KCNMB2: variants seen among roughly 807,000 people sequenced by gnomAD.
KCNMB2 encodes potassium calcium-activated channel subfamily M regulatory beta subunit 2.
A neutral mutation model predicts 24.5 loss-of-function variants in KCNMB2; 9 were observed. That is an observed-to-expected ratio of 0.37 (90% confidence interval 0.22 to 0.64). The LOEUF (loss-of-function observed/expected upper bound fraction) is 0.64, where lower values mean the gene tolerates loss of function less well. Among genes scored for constraint, KCNMB2 ranks in the 30% least tolerant of loss-of-function variants. KCNMB2 has a pLI of 0.63. For missense variants in KCNMB2, 226 were observed against 284.3 expected (o/e 0.79, Z 1.47); for synonymous variants, 109 against 104.4 (o/e 1.04, Z -0.27).
At chr3:178,626,080 A>T (rs962434315) in intron 1 of KCNMB2, among the ~76,000 whole-genome samples, 9 of 152,234 alleles carry the variant, frequency 5.9e-5, no homozygotes, top group Non-Finnish European at 1.3e-4. Flanking sequence ...ACCTGAGTTC[A>T]TTCTCTCATA....
At chr3:178,667,482 C>CTGA (rs1332694964) in intron 1 of KCNMB2, among the ~76,000 whole-genome samples, 1 of 152,120 alleles carries the variant, frequency 6.6e-6, no homozygotes, top group Non-Finnish European at 1.5e-5. Context: ...ACGCCAAATG[C>CTGA]TGATGCCTTG....
intron 1 of KCNMB2, among the ~76,000 whole-genome samples, chr3:178,794,808 G>C (rs1713470763): frequency 6.6e-6 from 1 of 152,174 alleles, no homozygotes; most frequent in Admixed American, 6.5e-5. Context: ...ACAGCTCTGT[G>C]AAGAGCCCCC....
intron 1 of KCNMB2, among the ~76,000 whole-genome samples, chr3:178,547,936 C>T (rs1409893718): frequency 6.6e-6 from 1 of 152,202 alleles, no homozygotes; most frequent in Non-Finnish European, 1.5e-5. Context: ...GTTCATTGTA[C>T]CACAAATCTT....
intron 1 of KCNMB2, among the ~76,000 whole-genome samples, chr3:178,800,055 A>G (rs1270292208): frequency 6.6e-6 from 1 of 152,202 alleles, no homozygotes; most frequent in Non-Finnish European, 1.5e-5. Flanking sequence ...TAAATCTAAG[A>G]TCTCAAACCA....
intron 1 of KCNMB2, among the ~76,000 whole-genome samples, chr3:178,784,619 C>T (rs1183298747): frequency 6.6e-6 from 1 of 152,000 alleles, no homozygotes; most frequent in East Asian, 1.9e-4. Context: ...TAATACTTCT[C>T]AAGAGTCTTT....
intron 1 of KCNMB2, among the ~76,000 whole-genome samples, chr3:178,583,337 G>A (rs1217436023): frequency 6.6e-6 from 1 of 152,092 alleles, no homozygotes; most frequent in Non-Finnish European, 1.5e-5. Flanking sequence ...CTAATCATTG[G>A]TTAAATCTTA....
chr3:178,587,442 A>C (rs1196817281), intron 1 of KCNMB2, among the ~76,000 whole-genome samples: 1 of 151,958 alleles, frequency 6.6e-6, no homozygotes, highest in Non-Finnish European at 1.5e-5. Flanking sequence ...CTTTTTTTTG[A>C]GACAGGGTTT....
At chr3:178,547,234 C>T (rs1467505080) in intron 1 of KCNMB2, among the ~76,000 whole-genome samples, 1 of 152,136 alleles carries the variant, frequency 6.6e-6, no homozygotes, top group Non-Finnish European at 1.5e-5. Context: ...GGCCCCTTGA[C>T]CTTGAACTTC....
chr3:178,550,539 C>T (rs937305994), intron 1 of KCNMB2, among the ~76,000 whole-genome samples: 1 of 147,924 alleles, frequency 6.8e-6, no homozygotes, highest in African/African-American at 2.5e-5. Flanking sequence ...ATACATTATT[C>T]AAGAGGTAGG....
intron 1 of KCNMB2, among the ~76,000 whole-genome samples, chr3:178,774,122 G>C (rs533302240): frequency 3.3e-5 from 5 of 152,150 alleles, no homozygotes; most frequent in Non-Finnish European, 7.4e-5. Context: ...TTCTTTAAAG[G>C]TCCTAAGCCC....
chr3:178,778,346 G>C (rs1313235683), intron 1 of KCNMB2, among the ~76,000 whole-genome samples: 1 of 152,078 alleles, frequency 6.6e-6, no homozygotes, highest in African/African-American at 2.4e-5. Context: ...AACAGGCTAA[G>C]ACGGGCTTAA....
chr3:178,752,432 T>C (rs1723881793), intron 1 of KCNMB2, among the ~76,000 whole-genome samples: 1 of 152,200 alleles, frequency 6.6e-6, no homozygotes, highest in Admixed American at 6.5e-5. Flanking sequence ...TTATAGTATA[T>C]ACAATTAATA....
In KCNMB2 at chr3:178,571,535, C is replaced by T. The variant is rs531295862; in HGVS notation, c.-68+34824C>T. On this transcript the variant is annotated intron_variant, in intron 1 of 4. Transcript: ENST00000452583. ...TGTATTTGTTTATGTATTTATTTTACTTTAAGTTCTGGGATACATGTGCAG... is the reference window on the plus strand; with the variant it reads ...TGTATTTGTTTATGTATTTATTTTATTTTAAGTTCTGGGATACATGTGCAG... Among the ~76,000 whole-genome samples the T allele has an allele frequency of 4.9e-4, 67 of 135,584 alleles. 2 individuals are homozygous for T. The South Asian group carries it at 0.014, about 29-fold the overall frequency. The allele number at this position is 135,584 out of a possible 152,430, so 88.9% of individuals were successfully genotyped here. A position where few individuals can be genotyped will look rare whatever the true frequency, so the allele number is the denominator to read the frequency against.
intron 1 of KCNMB2, among the ~76,000 whole-genome samples, chr3:178,612,699 T>C (rs1341674592): frequency 6.6e-6 from 1 of 152,210 alleles, no homozygotes; most frequent in Non-Finnish European, 1.5e-5. Flanking sequence ...AGCCAGTCTA[T>C]GTCTTTTGAT....
chr3:178,613,994 G>GT (rs1718589389), intron 1 of KCNMB2, among the ~76,000 whole-genome samples: 1 of 151,028 alleles, frequency 6.6e-6, no homozygotes, highest in Non-Finnish European at 1.5e-5. Flanking sequence ...TCATTTCTAT[G>GT]TTTTTCTTTT....
intron 1 of KCNMB2, among the ~76,000 whole-genome samples, chr3:178,672,541 C>A (rs1720935451): frequency 6.6e-6 from 1 of 152,154 alleles, no homozygotes; most frequent in Non-Finnish European, 1.5e-5. Flanking sequence ...AAGATGACTG[C>A]TGTGTAACTG....
At chr3:178,720,795 G>A (rs1477028752) in intron 1 of KCNMB2, among the ~76,000 whole-genome samples, 1 of 146,600 alleles carries the variant, frequency 6.8e-6, no homozygotes, top group Non-Finnish European at 1.5e-5. Context: ...AGAAGTGTCT[G>A]TTCATATCCT....
intron 1 of KCNMB2, among the ~76,000 whole-genome samples, chr3:178,754,641 T>G (rs560802919): frequency 6.6e-6 from 1 of 152,292 alleles, no homozygotes; most frequent in South Asian, 2.1e-4. Context: ...TGTTATGTCA[T>G]GCGCCCCCAC....
At chr3:178,540,662 TC>T (rs1560102914) in intron 1 of KCNMB2, among the ~76,000 whole-genome samples, 1 of 152,194 alleles carries the variant, frequency 6.6e-6, no homozygotes, top group African/African-American at 2.4e-5. Context: ...AAAGAATTCT[TC>T]CCCTGCATAG....
Sources: gnomAD v4.1 joint callset for allele counts (sites outside exome capture counted in the v4.1 genomes callset) on GRCh38, gnomAD v4.1.1 for gene constraint, MANE v1.5 for transcripts, NCBI Gene and HGNC (gene_info 2026-07-23, HGNC 2026-07-21) for gene names.